Variants in KLF12 observed in about 807,000 individuals in gnomAD.
KLF12 encodes KLF transcription factor 12.
Under a neutral mutation model 37.8 loss-of-function variants are expected in KLF12, and 9 were observed. The ratio of observed to expected loss-of-function variants is 0.24; its 90% CI spans 0.14 to 0.42. The LOEUF is 0.42. Ranked by LOEUF, KLF12 falls within the 10% of genes least tolerant of loss-of-function variation. KLF12 has a pLI of 1.00. For missense variants in KLF12, 411 were observed against 516.0 expected (o/e 0.80, Z 1.97); for synonymous variants, 208 against 202.1 (o/e 1.03, Z -0.25).
chr13:73,823,668 TATAGTTTTCA>T (rs1256344654), intron 4 of KLF12, among the ~76,000 whole-genome samples: 3 of 152,216 alleles, frequency 2.0e-5, no homozygotes, highest in African/African-American at 7.2e-5. Context: ...TGGACCTTTC[TATAGTTTTCA>T]AGATTTGGTT....
chr13:73,983,361 G>A (rs925199439), intron 2 of KLF12, among the ~76,000 whole-genome samples: 3 of 152,110 alleles, frequency 2.0e-5, no homozygotes, highest in Admixed American at 1.3e-4. Context: ...ATGTCAGCAC[G>A]GACCTTTCAC....
intron 4 of KLF12, among the ~76,000 whole-genome samples, chr13:73,821,283 T>C (rs1014473746): frequency 3.3e-5 from 5 of 152,170 alleles, no homozygotes; most frequent in African/African-American, 1.2e-4. Context: ...CCAATTTCAA[T>C]TGCTATCTCA....
chr13:73,816,529 A>G (rs1291843137), intron 4 of KLF12, among the ~76,000 whole-genome samples: 1 of 152,200 alleles, frequency 6.6e-6, no homozygotes, highest in Non-Finnish European at 1.5e-5. Context: ...TCCTGGGGAG[A>G]AAATTTCAGA....
At chr13:73,955,697 A>G (rs575823802) in intron 2 of KLF12, among the ~76,000 whole-genome samples, 1 of 152,364 alleles carries the variant, frequency 6.6e-6, no homozygotes, top group African/African-American at 2.4e-5. Flanking sequence ...AAAGACATTT[A>G]TTACTGAACG....
the KLF12 span, among the ~76,000 whole-genome samples, chr13:74,212,541 G>A: frequency 2.0e-5 from 3 of 152,144 alleles, no homozygotes; most frequent in African/African-American, 7.2e-5. Flanking sequence ...TGTCATGGGA[G>A]GACAGTCTAA....
chr13:73,988,994 C>A (rs540330968), intron 2 of KLF12, among the ~76,000 whole-genome samples: 1 of 152,254 alleles, frequency 6.6e-6, no homozygotes, highest in Non-Finnish European at 1.5e-5. Context: ...TGAACACTGG[C>A]AGAACCAGGA....
chr13:73,695,963 G>A (rs956891625), intron 7 of KLF12, among the ~76,000 whole-genome samples: 1 of 152,096 alleles, frequency 6.6e-6, no homozygotes, highest in Non-Finnish European at 1.5e-5. Flanking sequence ...ATCACCACTA[G>A]TAGACTAAAA....
chr13:74,255,934 T>A, the KLF12 span, among the ~76,000 whole-genome samples: 1 of 151,942 alleles, frequency 6.6e-6, no homozygotes, highest in Non-Finnish European at 1.5e-5. Flanking sequence ...GGTGGGTGGA[T>A]CACGAGGTCA....
At chr13:73,725,803 T>A (rs1876614091) in intron 6 of KLF12, among the ~76,000 whole-genome samples, 1 of 151,870 alleles carries the variant, frequency 6.6e-6, no homozygotes, top group East Asian at 1.9e-4. Flanking sequence ...ATTTAAACTC[T>A]TGGAGTTTTA....
At chr13:74,199,455 T>G in the KLF12 span, among the ~76,000 whole-genome samples, 3 of 152,208 alleles carry the variant, frequency 2.0e-5, no homozygotes, top group Admixed American at 2.0e-4. Context: ...AGCCCTGCTG[T>G]ACACTCAATA....
chr13:73,795,497 A>T (rs535608642), intron 5 of KLF12, among the ~76,000 whole-genome samples: 1 of 152,230 alleles, frequency 6.6e-6, no homozygotes, highest in Non-Finnish European at 1.5e-5. Context: ...TTCTGGTGTC[A>T]GTGATGCCAT....
At chr13:74,197,275 T>A in the KLF12 span, among the ~76,000 whole-genome samples, 5 of 152,176 alleles carry the variant, frequency 3.3e-5, no homozygotes, top group Non-Finnish European at 5.9e-5. Context: ...TGTAAAGTAA[T>A]TTTTCAGGCA....
intron 1 of KLF12, among the ~76,000 whole-genome samples, chr13:74,111,052 C>G (rs916990853): frequency 2.7e-4 from 41 of 151,632 alleles, no homozygotes; most frequent in African/African-American, 9.9e-4. Context: ...ACTCAGGAGG[C>G]TGAGGCAGGA....
At chr13:74,199,336 A>C in the KLF12 span, among the ~76,000 whole-genome samples, 1 of 152,216 alleles carries the variant, frequency 6.6e-6, no homozygotes, top group African/African-American at 2.4e-5. Context: ...CAACAGTCAC[A>C]TTGTTCTCAT....
chr13:73,798,013 T>G (rs1882088963), intron 5 of KLF12, among the ~76,000 whole-genome samples: 1 of 152,206 alleles, frequency 6.6e-6, no homozygotes, highest in African/African-American at 2.4e-5. Context: ...ACCATTATAT[T>G]GATTTCTAAT....
intron 6 of KLF12, among the ~76,000 whole-genome samples, chr13:73,731,355 G>A (rs570144215): frequency 6.6e-6 from 1 of 151,868 alleles, no homozygotes; most frequent in Non-Finnish European, 1.5e-5. Context: ...ACTTTCATTT[G>A]CTAGACAAGT....
intron 1 of KLF12, among the ~76,000 whole-genome samples, chr13:74,110,087 A>G (rs985275256): frequency 1.2e-4 from 18 of 152,180 alleles, no homozygotes; most frequent in South Asian, 2.1e-4. Flanking sequence ...GGAAATCTAG[A>G]TTTTCTTAAG....
chr13:74,256,688 TTGTG>T, the KLF12 span, among the ~76,000 whole-genome samples: 1,053 of 147,980 alleles, frequency 7.1e-3, 8 homozygotes, highest in African/African-American at 0.023. Context: ...TGAGTAGAGC[TTGTG>T]TGTGTGTGTG....
chr13:74,220,173 T>C, the KLF12 span, among the ~76,000 whole-genome samples: 1 of 152,224 alleles, frequency 6.6e-6, no homozygotes, highest in South Asian at 2.1e-4. Flanking sequence ...GTTTCTTTAA[T>C]TATGTCCCAG....
Sources: allele counts gnomAD v4.1 joint callset (sites outside exome capture counted in the v4.1 genomes callset), GRCh38; gene constraint gnomAD v4.1.1; transcripts MANE v1.5; gene names NCBI Gene and HGNC (gene_info 2026-07-23, HGNC 2026-07-21).